DCP1A: variants seen among roughly 807,000 people sequenced by gnomAD.
DCP1A encodes the protein mRNA-decapping enzyme 1A.
In DCP1A, 20 loss-of-function variants were observed where a neutral mutation model predicts 58.0. The ratio of observed to expected loss-of-function variants is 0.34; its 90% CI spans 0.24 to 0.50. The LOEUF is 0.50. Among genes scored for constraint, DCP1A ranks in the 20% least tolerant of loss-of-function variants. The probability of loss-of-function intolerance (pLI) is 0.98; values close to 1 mark genes in which losing one functional copy is unlikely to be tolerated. For missense variants in DCP1A, 613 were observed against 712.2 expected (o/e 0.86, Z 1.59); for synonymous variants, 285 against 275.1 (o/e 1.04, Z -0.36).
intron 6 of DCP1A, among the ~76,000 whole-genome samples, chr3:53,295,932 G>A (rs115362685): frequency 0.011 from 1,540 of 145,578 alleles, 11 homozygotes; most frequent in Non-Finnish European, 0.017. Flanking sequence ...TAGCCCTATC[G>A]CCCAGGCTCA....
In DCP1A at chr3:53,312,352, G is replaced by A. The variant is rs7631896; in HGVS notation, c.399C>T (p.Ser133=). The change falls in exon 5 of 10, where the codon TCC becomes TCT. Residue 133 remains serine (S), a synonymous_variant. Coordinates refer to ENST00000610213, the MANE Select transcript of DCP1A (RefSeq NM_018403.7). ...TCTGTTTGTCCCGAGCAGCTTGCTG[G>A]GATCGCCGTGTCTCCTCTTCTACCA... ...ADVVEEETRR[S]QQAARDKQSP... is the part of the protein sequence containing the mutation. The A allele has an allele frequency of 3.6e-3, 5,731 of 1,610,928 alleles. 178 individuals are homozygous for A. The African/African-American group carries it at 0.068, about 19-fold the overall frequency.
At chr3:53,311,820 A>T (rs73843119) in intron 5 of DCP1A, among the ~76,000 whole-genome samples, 2,562 of 152,308 alleles carry the variant, frequency 0.017, 73 homozygotes, top group African/African-American at 0.059. Flanking sequence ...GCACTCCAAG[A>T]CCATCTTCTC....
In DCP1A at chr3:53,347,365, G is replaced by C. The variant is rs782696053; in HGVS notation, c.135+18C>G. Reference sequence around the variant, plus strand: ...GGCAGCGGCCGGGTGGCCGTCCTCAGGGCCAGGCGGCACTCACCCACTGGT... The same window carrying C: ...GGCAGCGGCCGGGTGGCCGTCCTCACGGCCAGGCGGCACTCACCCACTGGT... On this transcript the variant is annotated intron_variant, in intron 1 of 9. Transcript: ENST00000610213. 6 of 1,562,456 alleles carry C rather than the reference G, an allele frequency of 3.8e-6. No homozygotes were observed. In the South Asian group the frequency reaches 5.8e-5, roughly 15 times the overall value.
At chr3:53,314,661 C>CTTTTT (rs1201344289) in intron 4 of DCP1A, among the ~76,000 whole-genome samples, 6 of 105,234 alleles carry the variant, frequency 5.7e-5, no homozygotes, top group Non-Finnish European at 1.2e-4. Context: ...TATTTCTTTT[C>CTTTTT]TTTTTCTTTT....
At chr3:53,314,667 C>CTTTTTTTTTTTTT (rs1167830951) in intron 4 of DCP1A, among the ~76,000 whole-genome samples, 37 of 86,710 alleles carry the variant, frequency 4.3e-4, no homozygotes, top group African/African-American at 1.0e-3. Context: ...TTTTCTTTTT[C>CTTTTTTTTTTTTT]TTTTTTTTTT....
intron 5 of DCP1A, among the ~76,000 whole-genome samples, chr3:53,306,443 T>G (rs1707473548): frequency 6.6e-6 from 1 of 152,058 alleles, no homozygotes; most frequent in South Asian, 2.1e-4. Flanking sequence ...CATTAAAAAG[T>G]TGGGGCTGGA....
At chr3:53,320,772 C>T (rs555090824) in intron 3 of DCP1A, among the ~76,000 whole-genome samples, 7 of 152,320 alleles carry the variant, frequency 4.6e-5, no homozygotes, top group Admixed American at 1.3e-4. Flanking sequence ...ATCCACCTTG[C>T]TCTGGCCCCT....
At position 53,334,040 on chromosome 3, in the gene DCP1A, T is replaced by C. The variant is rs147315421; in HGVS notation, c.304+8104A>G. On this transcript the variant is annotated intron_variant, in intron 3 of 9. Transcript: ENST00000610213. ...ACTTTGGGAGGCCAAGACAGGAGGA[T>C]TGCTTGAGCCCAGGAGTTTGAGACC... Among the ~76,000 whole-genome samples, 81 of 152,144 alleles carry C rather than the reference T, an allele frequency of 5.3e-4. No individual in the cohort carries two copies. In the East Asian group the frequency reaches 0.013, roughly 24 times the overall value.
At chr3:53,342,583 G>A (rs1006274487) in intron 2 of DCP1A, among the ~76,000 whole-genome samples, 7 of 151,988 alleles carry the variant, frequency 4.6e-5, no homozygotes, top group African/African-American at 9.7e-5. Context: ...CAGCCACACC[G>A]GGCTCCTTGC....
chr3:53,294,688 T>A (rs1707056017), intron 6 of DCP1A, among the ~76,000 whole-genome samples: 1 of 152,204 alleles, frequency 6.6e-6, no homozygotes, highest in Non-Finnish European at 1.5e-5. Context: ...TGCCGCTGCC[T>A]GGCTCTGCTC....
chr3:53,303,797 G>A (rs1707381703), intron 6 of DCP1A, among the ~76,000 whole-genome samples: 1 of 152,214 alleles, frequency 6.6e-6, no homozygotes, highest in African/African-American at 2.4e-5. Flanking sequence ...TGAGGCCTGG[G>A]GTAGAGGGGC....
At chr3:53,320,841 T>G (rs1023359691) in intron 3 of DCP1A, among the ~76,000 whole-genome samples, 1 of 152,198 alleles carries the variant, frequency 6.6e-6, no homozygotes, top group Admixed American at 6.5e-5. Context: ...TGTTGTAATT[T>G]CAAGAGTATT....
chr3:53,299,751 G>A (rs918734680), intron 6 of DCP1A, among the ~76,000 whole-genome samples: 1 of 152,212 alleles, frequency 6.6e-6, no homozygotes, highest in South Asian at 2.1e-4. Flanking sequence ...AACAAATGTA[G>A]TATCTGCCTG....
chr3:53,321,397 GA>G (rs1169209875), intron 3 of DCP1A, among the ~76,000 whole-genome samples: 8 of 152,248 alleles, frequency 5.3e-5, no homozygotes, highest in African/African-American at 1.7e-4. Flanking sequence ...ACAAATTAGA[GA>G]AAAAAATCAG....
intron 6 of DCP1A, among the ~76,000 whole-genome samples, chr3:53,301,769 C>A (rs1553687439): frequency 6.6e-6 from 1 of 152,068 alleles, no homozygotes; most frequent in Non-Finnish European, 1.5e-5. Flanking sequence ...GTAATACTCT[C>A]AGTAATAAAA....
Position 53,287,363 on chromosome 3 carries a change from TTTTTTTGTC to T in DCP1A, c.*208_*216del. The T allele has an allele frequency of 3.5e-6, 1 of 284,110 alleles. No individual in the cohort carries two copies. The highest frequency in any genetic ancestry group is 6.5e-6 in the Non-Finnish European group (1 of 152,682). 17.6% of individuals were successfully genotyped at this position (284,110 alleles called of 1,614,324 possible). On this transcript the variant is annotated 3_prime_UTR_variant, in exon 10 of 10. Coordinates refer to ENST00000610213, the MANE Select transcript of DCP1A (RefSeq NM_018403.7). ...CTCTCTTTTTTTTTTTTTTTTTTTT[TTTTTTTGTC>T]AAAACAAGGATCTGCTGGTGATGCT... is the stretch of plus-strand genomic sequence containing the variant.
At chr3:53,330,545 C>T (rs1386758030) in intron 3 of DCP1A, among the ~76,000 whole-genome samples, 1 of 151,062 alleles carries the variant, frequency 6.6e-6, no homozygotes, top group Non-Finnish European at 1.5e-5. Flanking sequence ...AAAGAATCTT[C>T]ACCCTTACCA....
chr3:53,329,379 C>A (rs538128811), intron 3 of DCP1A: 1 of 398,454 alleles, frequency 2.5e-6, no homozygotes, highest in African/African-American at 2.1e-5. Flanking sequence ...GAGATCGATG[C>A]CCGATATAAA....
chr3:53,312,091 A>G, intron 5 of DCP1A, 150 bp downstream of exon 5: 1 of 771,300 alleles, frequency 1.3e-6, no homozygotes, highest in East Asian at 3.0e-5. Flanking sequence ...GCTGGGACTG[A>G]TTACAGGAGT....
Sources: gnomAD v4.1 joint callset for allele counts (sites outside exome capture counted in the v4.1 genomes callset) on GRCh38, gnomAD v4.1.1 for gene constraint, MANE v1.5 for transcripts, NCBI Gene and HGNC (gene_info 2026-07-23, HGNC 2026-07-21) for gene names.